CFAP299: variants seen among roughly 807,000 people sequenced by gnomAD.
CFAP299 encodes cilia- and flagella-associated protein 299.
A neutral mutation model predicts 27.0 loss-of-function variants in CFAP299; 21 were observed. The observed-to-expected ratio is 0.78, with a 90% confidence interval of 0.55 to 1.12. The LOEUF (loss-of-function observed/expected upper bound fraction) is 1.12. Ranked by LOEUF, CFAP299 falls within the 50% of genes most tolerant of loss-of-function variation. The pLI, the probability that CFAP299 is intolerant of heterozygous loss-of-function variation, is 0.00. For synonymous variants in CFAP299, 104 were observed against 98.1 expected (o/e 1.06, Z -0.36); for missense variants, 310 against 276.6 (o/e 1.12, Z -0.86).
At chr4:80,837,449 C>T (rs116232002) in intron 3 of CFAP299, among the ~76,000 whole-genome samples, 2,633 of 152,170 alleles carry the variant, frequency 0.017, 74 homozygotes, top group African/African-American at 0.058. Flanking sequence ...CCCCAACCCC[C>T]GACAGGCCCT....
At chr4:80,804,640 CTT>C (rs1728773133) in intron 3 of CFAP299, among the ~76,000 whole-genome samples, 1 of 152,040 alleles carries the variant, frequency 6.6e-6, no homozygotes, top group African/African-American at 2.4e-5. Flanking sequence ...AACTTTATCT[CTT>C]ATAAACTTTT....
At chr4:80,630,825 T>C (rs1739169783) in intron 3 of CFAP299, among the ~76,000 whole-genome samples, 1 of 152,068 alleles carries the variant, frequency 6.6e-6, no homozygotes, top group Admixed American at 6.6e-5. Flanking sequence ...GACAGACTTG[T>C]AAATTATTTT....
chr4:80,423,810 G>A (rs1305135677), intron 2 of CFAP299, among the ~76,000 whole-genome samples: 1 of 152,126 alleles, frequency 6.6e-6, no homozygotes, highest in Non-Finnish European at 1.5e-5. Context: ...AATGGACAAA[G>A]GCAAGGCTCT....
chr4:80,642,965 A>G (rs996619120), intron 3 of CFAP299, among the ~76,000 whole-genome samples: 3 of 151,904 alleles, frequency 2.0e-5, no homozygotes, highest in Non-Finnish European at 4.4e-5. Flanking sequence ...AGAAGTAGCC[A>G]GTGAAATAGG....
At chr4:80,486,204 G>A (rs1188223522) in intron 2 of CFAP299, among the ~76,000 whole-genome samples, 3 of 152,188 alleles carry the variant, frequency 2.0e-5, no homozygotes, top group African/African-American at 7.2e-5. Flanking sequence ...GAGACAATGT[G>A]TGAAGCTGCA....
intron 3 of CFAP299, among the ~76,000 whole-genome samples, chr4:80,759,986 T>C (rs954354279): frequency 2.0e-5 from 3 of 152,150 alleles, no homozygotes; most frequent in Non-Finnish European, 4.4e-5. Flanking sequence ...CTTTTTTCTC[T>C]GGCCTTGGAA....
intron 4 of CFAP299, among the ~76,000 whole-genome samples, chr4:80,881,052 T>C (rs985866598): frequency 6.6e-6 from 1 of 152,190 alleles, no homozygotes; most frequent in Admixed American, 6.5e-5. Context: ...ACAGCCAGCA[T>C]TGCTATTCAA....
In CFAP299 at chr4:80,870,105, A is replaced by G; in HGVS notation, c.446A>G (p.Lys149Arg). ...EDFEVYFTGKKRLLPRPTDIS... is the reference protein window; with the variant it reads ...EDFEVYFTGKRRLLPRPTDIS... Reference sequence around the variant, plus strand: ...TTTGAAGTCTACTTTACTGGAAAAAAAAGACTTCTTCCAAGGCCTACAGAT... The same window carrying G: ...TTTGAAGTCTACTTTACTGGAAAAAGAAGACTTCTTCCAAGGCCTACAGAT... Residue 149 changes from lysine to arginine, a missense_variant, in exon 4 of 6, where the codon AAA becomes AGA. By Grantham distance (26) the Lys-to-Arg change is conservative. Coordinates refer to ENST00000358105, the MANE Select transcript of CFAP299 (RefSeq NM_152770.3). 6.2e-7 allele frequency: 1 copy of G among 1,613,150 alleles called. No homozygotes were observed. Among genetic ancestry groups the G allele is most frequent in the Non-Finnish European group, 8.5e-7 (1 of 1,179,566 alleles).
intron 3 of CFAP299, among the ~76,000 whole-genome samples, chr4:80,797,236 G>C (rs1560414917): frequency 6.6e-6 from 1 of 152,150 alleles, no homozygotes; most frequent in Non-Finnish European, 1.5e-5. Flanking sequence ...ATTGTTGCTA[G>C]TGTAGTTTGG....
chr4:80,798,100 A>G (rs1727976154), intron 3 of CFAP299, among the ~76,000 whole-genome samples: 1 of 152,088 alleles, frequency 6.6e-6, no homozygotes, highest in Admixed American at 6.6e-5. Flanking sequence ...GCTTATATAA[A>G]TTAGAAAACT....
chr4:80,339,135 C>T (rs572176007), intron 1 of CFAP299, among the ~76,000 whole-genome samples: 1 of 152,130 alleles, frequency 6.6e-6, no homozygotes, highest in Non-Finnish European at 1.5e-5. Context: ...TCTTCTCATT[C>T]CATTAGCTAT....
chr4:80,645,793 T>C (rs890089910), intron 3 of CFAP299, among the ~76,000 whole-genome samples: 6 of 152,170 alleles, frequency 3.9e-5, no homozygotes, highest in African/African-American at 1.4e-4. Flanking sequence ...TTCTTTCTCT[T>C]ACATAGCATA....
At chr4:80,572,095 A>C (rs1320369153) in intron 2 of CFAP299, among the ~76,000 whole-genome samples, 1 of 152,138 alleles carries the variant, frequency 6.6e-6, no homozygotes, top group African/African-American at 2.4e-5. Context: ...ATGGGAGTAC[A>C]TGAGATATTT....
At chr4:80,961,338 C>T (rs990115265) in intron 5 of CFAP299, among the ~76,000 whole-genome samples, 1 of 151,668 alleles carries the variant, frequency 6.6e-6, no homozygotes, top group Non-Finnish European at 1.5e-5. Flanking sequence ...TTACATTAGT[C>T]TTGTTTACCA....
At chr4:80,689,323 A>G (rs998211213) in intron 3 of CFAP299, among the ~76,000 whole-genome samples, 10 of 152,242 alleles carry the variant, frequency 6.6e-5, no homozygotes, top group African/African-American at 2.4e-4. Context: ...AGGGAAGCCC[A>G]TCAGACTAAC....
At chr4:80,701,489 G>T (rs1721477820) in intron 3 of CFAP299, among the ~76,000 whole-genome samples, 1 of 151,988 alleles carries the variant, frequency 6.6e-6, no homozygotes, top group Non-Finnish European at 1.5e-5. Flanking sequence ...TCCTTTGAAA[G>T]TGATATTTAA....
chr4:80,885,419 T>C (rs1377538709), intron 4 of CFAP299, among the ~76,000 whole-genome samples: 2 of 152,320 alleles, frequency 1.3e-5, no homozygotes, highest in South Asian at 2.1e-4. Flanking sequence ...GCACCATCCC[T>C]ATCCTAATCC....
intron 3 of CFAP299, among the ~76,000 whole-genome samples, chr4:80,826,279 C>A (rs765317410): frequency 7.3e-5 from 11 of 150,688 alleles, no homozygotes; most frequent in Admixed American, 2.6e-4. Flanking sequence ...AGAAAAAAAA[C>A]AGAAGACAGT....
At chr4:80,750,965 C>T (rs866305241) in intron 3 of CFAP299, among the ~76,000 whole-genome samples, 13 of 152,228 alleles carry the variant, frequency 8.5e-5, no homozygotes, top group Middle Eastern at 3.4e-3. Context: ...ACAACATGCT[C>T]CTTTAGCTCA....
Sources: gnomAD v4.1 joint callset for allele counts (sites outside exome capture counted in the v4.1 genomes callset) on GRCh38, gnomAD v4.1.1 for gene constraint, MANE v1.5 for transcripts, NCBI Gene and HGNC (gene_info 2026-07-23, HGNC 2026-07-21) for gene names.